Variants in MARF1 observed in about 807,000 individuals in gnomAD.
MARF1 encodes the protein limkain-b1.
MARF1 carries 24 observed loss-of-function variants against 168.2 expected under a neutral mutation model. That is an observed-to-expected ratio of 0.14 (90% CI 0.10 to 0.20). The LOEUF is 0.20. Ranked by LOEUF, MARF1 falls within the 10% of genes least tolerant of loss-of-function variation. MARF1 has a pLI of 1.00. For synonymous variants in MARF1, 868 were observed against 822.4 expected (o/e 1.06, Z -0.95); for missense variants, 1,744 against 2,143.6 (o/e 0.81, Z 3.68).
intron 2 of MARF1, 98 bp downstream of exon 2, chr16:15,638,992 C>A: frequency 8.0e-7 from 1 of 1,246,656 alleles, no homozygotes; most frequent in East Asian, 2.5e-5. Context: ...AAATGTGGCA[C>A]AGACTCTAGG....
intron 26 of MARF1, among the ~76,000 whole-genome samples, chr16:15,598,443 C>G (rs1267566547): frequency 6.6e-6 from 1 of 152,184 alleles, no homozygotes; most frequent in East Asian, 1.9e-4. Context: ...CCACAGACAC[C>G]TCCCTCCATT....
intron 16 of MARF1, 83 bp from the exon 17 acceptor site, chr16:15,612,860 C>G: frequency 8.6e-7 from 1 of 1,161,394 alleles, no homozygotes; most frequent in Non-Finnish European, 1.3e-6. Context: ...CAGTCCCTGG[C>G]TTGAGTTCGA....
chr16:15,613,665 A>AAAT (rs775681889), intron 16 of MARF1, among the ~76,000 whole-genome samples: 25 of 139,076 alleles, frequency 1.8e-4, no homozygotes, highest in East Asian at 5.9e-4. Context: ...CCGTCTCAAT[A>AAAT]AATAAATAAA....
intron 13 of MARF1, among the ~76,000 whole-genome samples, chr16:15,619,840 G>A (rs1269733691): frequency 1.3e-5 from 2 of 152,116 alleles, no homozygotes; most frequent in Non-Finnish European, 2.9e-5. Flanking sequence ...GGAGCTTATA[G>A]TCTAGTGCTT....
At position 15,600,721 on chromosome 16, in the gene MARF1, C is replaced by T; in HGVS notation, c.4627-20G>A. ...GACCACCTGCACACAAGACATACTA[C>T]TGGTTAAGCAGCGGAAAAGGAGGGG... On this transcript the variant is annotated intron_variant, in intron 23 of 26. Coordinates refer to ENST00000396368, the MANE Select transcript of MARF1 (RefSeq NM_014647.4). 1 of 1,613,220 alleles carries T rather than the reference C, an allele frequency of 6.2e-7. No individual in the cohort carries two copies. The highest frequency in any genetic ancestry group is 1.1e-5 in the South Asian group (1 of 91,070).
Position 15,622,923 on chromosome 16 carries a change from G to A in MARF1, c.2460+11C>T. The A allele has an allele frequency of 6.4e-7, 1 of 1,562,408 alleles. No individual in the cohort carries two copies. The highest frequency in any genetic ancestry group is 1.1e-5 in the South Asian group (1 of 87,268). On this transcript the variant is annotated intron_variant, in intron 11 of 26. Coordinates refer to ENST00000396368, the MANE Select transcript of MARF1 (RefSeq NM_014647.4). Reference sequence around the variant, plus strand: ...AGTATAACAAAGCAAGCACAAGAGGGAAAAAGTTACCTTGCCATGCCTGGC... The same window carrying A: ...AGTATAACAAAGCAAGCACAAGAGGAAAAAAGTTACCTTGCCATGCCTGGC...
Position 15,596,801 on chromosome 16 carries a change from G to T in MARF1, c.5121C>A (p.Ser1707=). 6.2e-7 allele frequency: 1 copy of T among 1,614,128 alleles called. No homozygotes were observed. Among genetic ancestry groups the T allele is most frequent in the South Asian group, 1.1e-5 (1 of 91,074 alleles). The change falls in exon 27 of 27, where the codon TCC becomes TCA. Residue 1707 remains serine (S), a synonymous_variant. Coordinates refer to ENST00000396368, the MANE Select transcript of MARF1 (RefSeq NM_014647.4). ...CGGGGTCCTTGCTGAGCAGTGACTC[G>T]GAGGTTTCCGAGGAGGGGCAGGGAG... ...PVPPCPSSET[S]ESLLSKDPVE... is the part of the protein sequence containing the mutation.
Position 15,617,320 on chromosome 16 carries a change from T to C in MARF1, c.2936A>G (p.His979Arg). Residue 979 changes from histidine (H) to arginine (R), a missense_variant, in exon 14 of 27, where the codon CAT (histidine) becomes CGT (arginine). By Grantham distance (29) the His-to-Arg change is conservative (BLOSUM62 0). This residue lies in a region of MARF1 where 543 missense variants were observed against 742.1 expected (regional missense o/e 0.73). Coordinates refer to ENST00000396368, the MANE Select transcript of MARF1 (RefSeq NM_014647.4). ...LEYHEPVCRQ[H>R]CSNKDFSEHE... is the part of the protein sequence containing the mutation. Reference sequence around the variant, plus strand: ...ACACCTGAAATCCTTATTGGAACAATGCTGTCTGCAGACAGGCTCGTGATA... The same window carrying C: ...ACACCTGAAATCCTTATTGGAACAACGCTGTCTGCAGACAGGCTCGTGATA... The C allele has an allele frequency of 6.2e-7, 1 of 1,613,968 alleles. No individual in the cohort carries two copies. The highest frequency in any genetic ancestry group is 8.5e-7 in the Non-Finnish European group (1 of 1,179,828).
chr16:15,611,479 C>T (rs896389228), intron 18 of MARF1, 113 bp downstream of exon 18: 5 of 671,374 alleles, frequency 7.4e-6, no homozygotes, highest in East Asian at 3.5e-5. Flanking sequence ...AAAACTACTA[C>T]AAGTTTTCCA....
At chr16:15,622,627 G>A (rs1004336571) in intron 11 of MARF1, among the ~76,000 whole-genome samples, 2 of 152,096 alleles carry the variant, frequency 1.3e-5, no homozygotes, top group Non-Finnish European at 2.9e-5. Context: ...AGGTGATCTG[G>A]CCGCCTTGGC....
chr16:15,611,810 C>T, intron 17 of MARF1, 76 bp from the exon 18 acceptor site: 3 of 1,240,680 alleles, frequency 2.4e-6, no homozygotes, highest in South Asian at 1.3e-5. Context: ...CTCACCCTCT[C>T]GTTACTAGCC....
rs73504821 is a variant in MARF1, at chr16:15,609,411, A to G, written c.3954+112T>C. ...TCTGACTGGAATAGCTTAGATTTTC[A>G]TCCTCTTTCGTAACTCCCTACTTCC... On this transcript the variant is annotated intron_variant, in intron 20 of 26. Coordinates refer to ENST00000396368, the MANE Select transcript of MARF1 (RefSeq NM_014647.4). 0.017 allele frequency: 13,954 copies of G among 816,828 alleles called. 1,339 individuals carry two copies. The African/African-American group carries it at 0.21, about 12-fold the overall frequency. 50.6% of individuals were successfully genotyped at this position (816,828 alleles called of 1,614,324 possible). A position where few individuals can be genotyped will look rare whatever the true frequency, so the allele number is the denominator to read the frequency against.
At chr16:15,630,588 A>G (rs958273420) in intron 6 of MARF1, 84 bp from the exon 7 acceptor site, 9 of 1,265,092 alleles carry the variant, frequency 7.1e-6, no homozygotes, top group Non-Finnish European at 9.6e-6. Context: ...ACACCCACTG[A>G]GAAGAAAGGA....
intron 19 of MARF1, 94 bp downstream of exon 19, chr16:15,610,881 C>A: frequency 8.1e-7 from 1 of 1,239,008 alleles, no homozygotes; most frequent in South Asian, 1.4e-5. Flanking sequence ...TCAGGAAGCA[C>A]GGACAGGGAG....
intron 13 of MARF1, among the ~76,000 whole-genome samples, chr16:15,619,092 A>C (rs1288059379): frequency 1.3e-5 from 2 of 152,212 alleles, no homozygotes; most frequent in Non-Finnish European, 2.9e-5. Flanking sequence ...CCTGGGCAAC[A>C]TAGCAAAACC....
rs573425344 is a variant in MARF1 at position 15,617,998 on chromosome 16, G to C, written c.2721-463C>G. Among the ~76,000 whole-genome samples the C allele has an allele frequency of 2.0e-4, 30 of 152,250 alleles. No homozygotes were observed. The South Asian group carries it at 3.9e-3, about 20-fold the overall frequency. On this transcript the variant is annotated intron_variant, in intron 13 of 26. Transcript: ENST00000396368. ...GACTCCCCAGTTCTCCTCCTGACCT[G>C]TATCTTTCTTACTTGGAACTTAAAG...
Position 15,622,972 on chromosome 16 carries a change from G to C in MARF1, c.2422C>G (p.Gln808Glu), listed in dbSNP as rs1348886328. 1 of 1,590,718 alleles carries C rather than the reference G, an allele frequency of 6.3e-7. No individual in the cohort carries two copies. Among genetic ancestry groups the C allele is most frequent in the Non-Finnish European group, 8.6e-7 (1 of 1,161,692 alleles). ...IDYRLSRKEL[Q>E]QLLQEAFARH... ...GCAAATGCTTCCTGCAGGAGCTGCT[G>C]CAGCTCCTTCCGGGATAATCTGTAG... The change falls in exon 11 of 27, where the codon CAG becomes GAG. Residue 808 changes from glutamine (Q) to glutamate (E), a missense_variant. Gln to Glu is a conservative substitution (Grantham distance 29, BLOSUM62 2). Around this residue, in one of 7 missense-constraint regions of MARF1, gnomAD observed 543 missense variants for 742.1 expected, o/e 0.73. Coordinates refer to ENST00000396368, the MANE Select transcript of MARF1 (RefSeq NM_014647.4).
At chr16:15,620,177 A>AAAAC (rs538129574) in intron 13 of MARF1, among the ~76,000 whole-genome samples, 22 of 152,306 alleles carry the variant, frequency 1.4e-4, no homozygotes, top group Middle Eastern at 3.4e-3. Flanking sequence ...AAAAAATTAA[A>AAAAC]AAACAAACAA....
At chr16:15,640,025 T>G (rs546895008) in intron 1 of MARF1, among the ~76,000 whole-genome samples, 56 of 152,360 alleles carry the variant, frequency 3.7e-4, no homozygotes, top group Non-Finnish European at 7.3e-4. Context: ...TGGAATCAAT[T>G]TTTTCTACAG....
Sources: allele counts gnomAD v4.1 joint callset (sites outside exome capture counted in the v4.1 genomes callset), GRCh38; gene constraint gnomAD v4.1.1; regional missense constraint gnomAD v4.1.1; transcripts MANE v1.5; gene names NCBI Gene and HGNC (gene_info 2026-07-23, HGNC 2026-07-21).